MYEF2: variants seen among roughly 807,000 people sequenced by gnomAD.
The protein encoded by MYEF2 is myelin gene expression factor 2.
Under a neutral mutation model 75.2 loss-of-function variants are expected in MYEF2, and 37 were observed. That is an observed-to-expected ratio of 0.49 (90% confidence interval 0.38 to 0.65). The LOEUF (loss-of-function observed/expected upper bound fraction) is 0.65, where lower values mean the gene tolerates loss of function less well. Ranked by LOEUF, MYEF2 falls within the 30% of genes least tolerant of loss-of-function variation. The probability of loss-of-function intolerance (pLI) is 0.00; values close to 1 mark genes in which losing one functional copy is unlikely to be tolerated. For missense variants in MYEF2, 634 were observed against 771.4 expected (o/e 0.82, Z 2.11); for synonymous variants, 195 against 241.6 (o/e 0.81, Z 1.79).
chr15:48,134,804 T>C lies in MYEF2; in HGVS notation c.*8104A>G. ...ATAACAATATTTAACTACAAATATA[T>C]AAACAATTTTAGTATTATACTAAGG... On this transcript the variant is annotated 3_prime_UTR_variant, in exon 17 of 17. Coordinates refer to ENST00000324324, the MANE Select transcript of MYEF2 (RefSeq NM_016132.5). 9.1e-7 allele frequency: 1 copy of C among 1,104,722 alleles called. No individual in the cohort carries two copies. The highest frequency in any genetic ancestry group is 1.3e-6 in the Non-Finnish European group (1 of 759,112). The allele number at this position is 1,104,722 out of a possible 1,614,324, so 68.4% of individuals were successfully genotyped here.
chr15:48,136,571 T>G lies in MYEF2; in HGVS notation c.*6337A>C, dbSNP rs1226840858. On this transcript the variant is annotated 3_prime_UTR_variant, in exon 17 of 17. Coordinates refer to ENST00000324324, the MANE Select transcript of MYEF2 (RefSeq NM_016132.5). ...ACAAAAAATATCTAGAAATGTTTGATTGTTCTATGGCTACTTTTGTTAGAA... is the reference window on the plus strand; with the variant it reads ...ACAAAAAATATCTAGAAATGTTTGAGTGTTCTATGGCTACTTTTGTTAGAA... 1.0e-6 allele frequency: 1 copy of G among 968,748 alleles called. No homozygotes were observed. The highest frequency in any genetic ancestry group is 1.5e-6 in the Non-Finnish European group (1 of 666,718). 60.0% of individuals were successfully genotyped at this position (968,748 alleles called of 1,614,324 possible). A position where few individuals can be genotyped will look rare whatever the true frequency, so the allele number is the denominator to read the frequency against.
intron 10 of MYEF2, 110 bp downstream of exon 10, chr15:48,153,682 C>CT (rs1179072184): frequency 2.4e-6 from 2 of 819,156 alleles, no homozygotes; most frequent in African/African-American, 3.5e-5. Flanking sequence ...CCGTAAATAT[C>CT]TAACTATTAA....
In MYEF2 at chr15:48,135,673, A is replaced by G. The variant is rs1023712262; in HGVS notation, c.*7235T>C. On this transcript the variant is annotated 3_prime_UTR_variant, in exon 17 of 17. Coordinates refer to ENST00000324324, the MANE Select transcript of MYEF2 (RefSeq NM_016132.5). ...TGTAAAACACAGCTACACAGGTTATATACATTGCATAACTCCAGAGGACAC... is the reference window on the plus strand; with the variant it reads ...TGTAAAACACAGCTACACAGGTTATGTACATTGCATAACTCCAGAGGACAC... 8 of 151,790 alleles carry G rather than the reference A, an allele frequency of 5.3e-5. No individual in the cohort carries two copies. Among genetic ancestry groups the G allele is most frequent in the African/African-American group, 1.9e-4 (8 of 41,226 alleles). The allele number at this position is 151,790 out of a possible 1,614,324, so 9.4% of individuals were successfully genotyped here.
At chr15:48,154,681 TAAAACCCA>T (rs904000775) in intron 9 of MYEF2, among the ~76,000 whole-genome samples, 8 of 152,232 alleles carry the variant, frequency 5.3e-5, no homozygotes, top group African/African-American at 1.7e-4. Flanking sequence ...TGAAAACATT[TAAAACCCA>T]AAATTGAGAG....
In MYEF2 at chr15:48,139,414, C is replaced by A; in HGVS notation, c.*3494G>T. 3.1e-6 allele frequency: 1 copy of A among 317,468 alleles called. No homozygotes were observed. The highest frequency in any genetic ancestry group is 2.1e-5 in the African/African-American group (1 of 47,258). The allele number at this position is 317,468 out of a possible 1,614,324, so 19.7% of individuals were successfully genotyped here. ...TAGCCTGGGGTACAATTCAAGAGAT[C>A]TTATAAATGAAATCAAATTCATAGG... On this transcript the variant is annotated 3_prime_UTR_variant, in exon 17 of 17. Transcript: ENST00000324324.
intron 1 of MYEF2, among the ~76,000 whole-genome samples, chr15:48,176,729 A>C (rs1207286709): frequency 6.6e-6 from 1 of 152,148 alleles, no homozygotes; most frequent in Non-Finnish European, 1.5e-5. Flanking sequence ...ACCGGTTTTC[A>C]TTTCTATTTT....
chr15:48,162,870 C>T (rs1310282267), intron 5 of MYEF2: 1 of 152,204 alleles, frequency 6.6e-6, no homozygotes, highest in Non-Finnish European at 1.5e-5. Flanking sequence ...CGCTCCCCAT[C>T]TCTCTCCGTC....
At position 48,139,031 on chromosome 15, in the gene MYEF2, C is replaced by T; in HGVS notation, c.*3877G>A. ...AAAAAGAATTTTTTGGGTATTATCC[C>T]TTCCTATTATTACATTACTTTTTCT... On this transcript the variant is annotated 3_prime_UTR_variant, in exon 17 of 17. Coordinates refer to ENST00000324324, the MANE Select transcript of MYEF2 (RefSeq NM_016132.5). 1 of 1,613,034 alleles carries T rather than the reference C, an allele frequency of 6.2e-7. No homozygotes were observed. Among genetic ancestry groups the T allele is most frequent in the South Asian group, 1.1e-5 (1 of 91,024 alleles).
Position 48,139,069 on chromosome 15 carries a change from T to C in MYEF2, c.*3839A>G, listed in dbSNP as rs376772561. The C allele has an allele frequency of 8.1e-6, 13 of 1,612,994 alleles. No individual in the cohort carries two copies. Among genetic ancestry groups the C allele is most frequent in the East Asian group, 6.7e-5 (3 of 44,756 alleles). On this transcript the variant is annotated 3_prime_UTR_variant, in exon 17 of 17. Transcript: ENST00000324324. ...CATTACTTTTTCTAACCACACCAGA[T>C]TGTAGAAAAAAGTTTTGGAAAAACT...
rs184290759 is a variant in MYEF2 at position 48,156,779 on chromosome 15, T to A, written c.985+1214A>T. 8.8e-4 allele frequency among the ~76,000 whole-genome samples: 129 copies of A among 147,124 alleles called. 2 individuals carry two copies. The highest frequency in any genetic ancestry group is 4.7e-3 in the Admixed American group (69 of 14,770). Reference sequence around the variant, plus strand: ...ACATAAATGAATCTCAAAAACAATTTAAAAAAAAAAGCAAGTTACATAATA... The same window carrying A: ...ACATAAATGAATCTCAAAAACAATTAAAAAAAAAAAGCAAGTTACATAATA... On this transcript the variant is annotated intron_variant, in intron 9 of 16. Transcript: ENST00000324324.
At chr15:48,169,134 A>C (rs2040233914) in intron 1 of MYEF2, among the ~76,000 whole-genome samples, 1 of 152,214 alleles carries the variant, frequency 6.6e-6, no homozygotes, top group East Asian at 1.9e-4. Context: ...AATAAATGCT[A>C]TTAGACTGGA....
In MYEF2 at chr15:48,151,131, A is replaced by C; in HGVS notation, c.1347T>G (p.Ser449=). 1 of 1,611,072 alleles carries C rather than the reference A, an allele frequency of 6.2e-7. No individual in the cohort carries two copies. ...MIGGFAGRIG[S]SNMGPVGSGI... ...CAGATCCTACTGGACCCATGTTAGA[A>C]GATCCTATTCTTCCTGCAAACCCTC... is the stretch of plus-strand genomic sequence containing the variant. Residue 449 remains serine (S), a synonymous_variant, in exon 14 of 17, where the codon TCT becomes TCG. Coordinates refer to ENST00000324324, the MANE Select transcript of MYEF2 (RefSeq NM_016132.5).
intron 16 of MYEF2, among the ~76,000 whole-genome samples, chr15:48,148,060 G>C (rs2039355488): frequency 1.3e-5 from 2 of 151,888 alleles, no homozygotes; most frequent in African/African-American, 2.4e-5. Flanking sequence ...AAAAGAGTTA[G>C]ATATAAAGAA....
At chr15:48,155,411 GA>G (rs770290945) in intron 9 of MYEF2, among the ~76,000 whole-genome samples, 1 of 152,104 alleles carries the variant, frequency 6.6e-6, no homozygotes, top group Non-Finnish European at 1.5e-5. Flanking sequence ...AGAAAAAGTA[GA>G]CAAATCCACT....
chr15:48,153,751 A>G, intron 10 of MYEF2, 41 bp downstream of exon 10: 2 of 1,495,010 alleles, frequency 1.3e-6, no homozygotes, highest in East Asian at 2.3e-5. Flanking sequence ...TAGCTAGCAT[A>G]TGTATCATTT....
Position 48,134,870 on chromosome 15 carries a change from T to C in MYEF2, c.*8038A>G, listed in dbSNP as rs2038857730. The stretch of plus-strand genomic sequence containing the variant: ...GTTACAATGTAATGGAAATAATAAC[T>C]TACCATATTACAGGTCTCAACACTA... On this transcript the variant is annotated 3_prime_UTR_variant, in exon 17 of 17. Transcript: ENST00000324324. 1 of 1,577,956 alleles carries C rather than the reference T, an allele frequency of 6.3e-7. No homozygotes were observed. Among genetic ancestry groups the C allele is most frequent in the East Asian group, 2.2e-5 (1 of 44,502 alleles).
At chr15:48,151,659 C>A in intron 12 of MYEF2, 88 bp from the exon 13 acceptor site, 1 of 1,306,324 alleles carries the variant, frequency 7.7e-7, no homozygotes. Flanking sequence ...TATGAAAAGA[C>A]GCGTAAGTCA....
intron 10 of MYEF2, chr15:48,153,071 A>C (rs2039556320): frequency 6.6e-6 from 1 of 152,168 alleles, no homozygotes; most frequent in Admixed American, 6.6e-5. Flanking sequence ...ACTAAAGTGC[A>C]GAAACAGATA....
Position 48,138,284 on chromosome 15 carries a change from G to A in MYEF2, c.*4624C>T, listed in dbSNP as rs376694737. 2.0e-5 allele frequency: 3 copies of A among 151,678 alleles called. No individual in the cohort carries two copies. Among genetic ancestry groups the A allele is most frequent in the East Asian group, 1.9e-4 (1 of 5,168 alleles). The allele number at this position is 151,678 out of a possible 1,614,324, so 9.4% of individuals were successfully genotyped here. Reference sequence around the variant, plus strand: ...ACAAATTTTGAACATTTTTGAATTCGAATTTTTATCCAATATATTATCATT... The same window carrying A: ...ACAAATTTTGAACATTTTTGAATTCAAATTTTTATCCAATATATTATCATT... On this transcript the variant is annotated 3_prime_UTR_variant, in exon 17 of 17. Transcript: ENST00000324324.
Sources: allele counts gnomAD v4.1 joint callset (sites outside exome capture counted in the v4.1 genomes callset), GRCh38; gene constraint gnomAD v4.1.1; transcripts MANE v1.5; gene names NCBI Gene and HGNC (gene_info 2026-07-23, HGNC 2026-07-21).